Variants in NUFIP1 observed in about 807,000 individuals in gnomAD.
NUFIP1 encodes FMR1-interacting protein NUFIP1.
Under a neutral mutation model 56.2 loss-of-function variants are expected in NUFIP1, and 38 were observed. That is an observed-to-expected ratio of 0.68 (90% CI 0.52 to 0.89). The LOEUF (loss-of-function observed/expected upper bound fraction) is 0.89. NUFIP1 is among the 40% of genes least tolerant of loss of function. The pLI is 0.00. For synonymous variants in NUFIP1, 215 were observed against 212.4 expected, an observed-to-expected ratio of 1.01 and a Z score of -0.10; for missense variants, 567 against 605.8, an observed-to-expected ratio of 0.94 and a Z score of 0.67.
intron 6 of NUFIP1, among the ~76,000 whole-genome samples, 153 bp from the exon 7 acceptor site, chr13:44,959,727 T>C (rs1871358859): frequency 6.6e-6 from 1 of 151,960 alleles, no homozygotes; most frequent in Non-Finnish European, 1.5e-5. Flanking sequence ...GAAATTCCAG[T>C]GACTTTCAAA....
chr13:44,987,682 T>G (rs988750096), intron 1 of NUFIP1, among the ~76,000 whole-genome samples: 2 of 152,188 alleles, frequency 1.3e-5, no homozygotes, highest in Non-Finnish European at 1.5e-5. Flanking sequence ...CAACTACTTC[T>G]CACCATCCCT....
At chr13:44,988,883 T>G in intron 1 of NUFIP1, 142 bp downstream of exon 1, 6 of 733,664 alleles carry the variant, frequency 8.2e-6, no homozygotes, top group Middle Eastern at 4.1e-4. Context: ...GAGACGGGGG[T>G]CTCACTTTGC....
chr13:44,963,353 AAT>A (rs1264734172), intron 6 of NUFIP1, among the ~76,000 whole-genome samples: 2 of 152,172 alleles, frequency 1.3e-5, no homozygotes, highest in Non-Finnish European at 2.9e-5. Context: ...ACTTTATAGA[AAT>A]AGAGTTGATT....
At position 44,989,412 on chromosome 13, in the gene NUFIP1, C is replaced by A; in HGVS notation, c.25G>T (p.Glu9Ter). ...GACGCATGCCACCCGATAGGAGTCTCGAAATCACTAGTCGGCTCAGCCATA... is the reference window on the plus strand; with the variant it reads ...GACGCATGCCACCCGATAGGAGTCTAGAAATCACTAGTCGGCTCAGCCATA... MAEPTSDFETPIGWHASPE... is the reference protein window; with the variant it reads MAEPTSDF Residue 9 changes from glutamate (E) to a stop codon, truncating the protein, a stop_gained, in exon 1 of 10, where the codon GAG becomes TAG. Coordinates refer to ENST00000379161, the MANE Select transcript of NUFIP1 (RefSeq NM_012345.3). LOFTEE classifies it high-confidence loss of function. The A allele has an allele frequency of 6.2e-7, 1 of 1,613,546 alleles. No individual in the cohort carries two copies. The highest frequency in any genetic ancestry group is 1.7e-5 in the Admixed American group (1 of 59,942).
intron 7 of NUFIP1, among the ~76,000 whole-genome samples, chr13:44,958,445 TTAA>T (rs1241173482): frequency 1.3e-5 from 2 of 152,212 alleles, no homozygotes; most frequent in African/African-American, 2.4e-5. Context: ...TATATCATCA[TTAA>T]TGTTATTAAA....
chr13:44,964,406 A>T (rs1291308269), intron 6 of NUFIP1, among the ~76,000 whole-genome samples: 1 of 152,366 alleles, frequency 6.6e-6, no homozygotes, highest in African/African-American at 2.4e-5. Flanking sequence ...GGCATGAAGC[A>T]ACAAGAGAAG....
In NUFIP1 at chr13:44,943,651, C is replaced by G; in HGVS notation, c.1162G>C (p.Asp388His). ...PEETPIKTEA[D>H]VLAENQVLDS... Reference sequence around the variant, plus strand: ...AGAACCTGGTTTTCTGCCAAAACGTCTGCTTCAGTCTTGATGGGAGTTTCT... The same window carrying G: ...AGAACCTGGTTTTCTGCCAAAACGTGTGCTTCAGTCTTGATGGGAGTTTCT... Residue 388 changes from aspartate (D) to histidine (H), a missense_variant, in exon 9 of 10, where the codon GAC becomes CAC. Physicochemically the swap from Asp to His is moderately conservative, Grantham distance 81. Coordinates refer to ENST00000379161, the MANE Select transcript of NUFIP1 (RefSeq NM_012345.3). 1.2e-6 allele frequency: 2 copies of G among 1,612,372 alleles called. No homozygotes were observed. Among genetic ancestry groups the G allele is most frequent in the Non-Finnish European group, 8.5e-7 (1 of 1,179,522 alleles).
chr13:44,983,904 T>G (rs1872288740), intron 1 of NUFIP1, among the ~76,000 whole-genome samples: 1 of 152,202 alleles, frequency 6.6e-6, no homozygotes, highest in Non-Finnish European at 1.5e-5. Context: ...AACAGCCCCT[T>G]GATCTTGGAC....
chr13:44,959,649 A>G (rs1440236826), intron 6 of NUFIP1, 75 bp from the exon 7 acceptor site: 4 of 1,219,024 alleles, frequency 3.3e-6, no homozygotes, highest in Non-Finnish European at 4.6e-6. Context: ...AGACTACTAG[A>G]TACAAAAGAA....
At chr13:44,975,435 G>A (rs1158001541) in intron 5 of NUFIP1, among the ~76,000 whole-genome samples, 3 of 152,032 alleles carry the variant, frequency 2.0e-5, no homozygotes, top group African/African-American at 7.2e-5. Flanking sequence ...GCTAAGCCTA[G>A]AAACCTGGAA....
chr13:44,951,887 T>C (rs1269221877), intron 7 of NUFIP1, among the ~76,000 whole-genome samples: 1 of 152,248 alleles, frequency 6.6e-6, no homozygotes, highest in Non-Finnish European at 1.5e-5. Flanking sequence ...ATATTTTTGC[T>C]GATGGAGGGT....
At position 44,940,294 on chromosome 13, in the gene NUFIP1, C is replaced by G. The variant is rs898885511; in HGVS notation, c.*912G>C. ...CACTAGGGTCACATGCCAGGTGTTC[C>G]AAGATTCTGGAGAGGATTTTACCAA... is the stretch of plus-strand genomic sequence containing the variant. On this transcript the variant is annotated 3_prime_UTR_variant, in exon 10 of 10. Coordinates refer to ENST00000379161, the MANE Select transcript of NUFIP1 (RefSeq NM_012345.3). 3.3e-5 allele frequency: 5 copies of G among 152,114 alleles called. No homozygotes were observed. Among genetic ancestry groups the G allele is most frequent in the Admixed American group, 2.6e-4 (4 of 15,268 alleles). 9.4% of individuals were successfully genotyped at this position (152,114 alleles called of 1,614,324 possible). A position where few individuals can be genotyped will look rare whatever the true frequency, so the allele number is the denominator to read the frequency against.
chr13:44,947,156 A>T (rs576489124), intron 8 of NUFIP1, among the ~76,000 whole-genome samples: 5 of 152,190 alleles, frequency 3.3e-5, no homozygotes, highest in Admixed American at 2.6e-4. Context: ...GAAGGCAATG[A>T]AAGTTGGCTT....
chr13:44,950,789 G>A (rs1430538582), intron 7 of NUFIP1, among the ~76,000 whole-genome samples: 1 of 152,080 alleles, frequency 6.6e-6, no homozygotes, highest in Non-Finnish European at 1.5e-5. Flanking sequence ...GTAGCCCCAG[G>A]ACACCACCTA....
At chr13:44,948,628 T>C (rs943971932) in intron 8 of NUFIP1, among the ~76,000 whole-genome samples, 1 of 152,196 alleles carries the variant, frequency 6.6e-6, no homozygotes, top group African/African-American at 2.4e-5. Context: ...CAGTGGAACA[T>C]AGATTTATTC....
At chr13:44,985,228 T>C (rs1350946951) in intron 1 of NUFIP1, among the ~76,000 whole-genome samples, 1 of 152,190 alleles carries the variant, frequency 6.6e-6, no homozygotes, top group Non-Finnish European at 1.5e-5. Flanking sequence ...CTGACACAAA[T>C]ATATTCCAAC....
chr13:44,973,495 G>C (rs1431756672), intron 5 of NUFIP1, among the ~76,000 whole-genome samples: 1 of 152,146 alleles, frequency 6.6e-6, no homozygotes, highest in Non-Finnish European at 1.5e-5. Context: ...ATATCTTCAA[G>C]CACCATTTAC....
intron 1 of NUFIP1, among the ~76,000 whole-genome samples, chr13:44,987,062 C>T (rs1872423924): frequency 6.6e-6 from 1 of 152,062 alleles, no homozygotes; most frequent in Non-Finnish European, 1.5e-5. Context: ...TCAAGCAATC[C>T]TCTTGCCTCT....
At chr13:44,962,918 C>A (rs373685832) in intron 6 of NUFIP1, among the ~76,000 whole-genome samples, 1 of 152,140 alleles carries the variant, frequency 6.6e-6, no homozygotes, top group African/African-American at 2.4e-5. Context: ...GGCTTTACTG[C>A]ACAGCCTAGG....
Sources: gnomAD v4.1 joint callset for allele counts (sites outside exome capture counted in the v4.1 genomes callset) on GRCh38, gnomAD v4.1.1 for gene constraint, MANE v1.5 for transcripts, NCBI Gene and HGNC (gene_info 2026-07-23, HGNC 2026-07-21) for gene names.